The following NXPH1 variants were observed in gnomAD, a reference collection of about 807,000 sequenced individuals.
NXPH1 encodes neurexophilin-1.
A neutral mutation model predicts 23.7 loss-of-function variants in NXPH1; 5 were observed. The ratio of observed to expected loss-of-function variants is 0.21; its 90% CI spans 0.11 to 0.44. The LOEUF (loss-of-function observed/expected upper bound fraction) is 0.44, where lower values mean the gene tolerates loss of function less well. NXPH1 is among the 20% of genes least tolerant of loss of function. The probability of loss-of-function intolerance (pLI) is 0.99; values close to 1 mark genes in which losing one functional copy is unlikely to be tolerated. For missense variants in NXPH1, 324 were observed against 321.6 expected, an observed-to-expected ratio of 1.01 and a Z score of -0.06; for synonymous variants, 144 against 122.2, an observed-to-expected ratio of 1.18 and a Z score of -1.18.
intron 2 of NXPH1, among the ~76,000 whole-genome samples, chr7:8,684,266 A>T (rs1821106366): frequency 6.6e-6 from 1 of 152,112 alleles, no homozygotes; most frequent in African/African-American, 2.4e-5. Flanking sequence ...ATTAGCTGTG[A>T]TCACCACATA....
intron 2 of NXPH1, among the ~76,000 whole-genome samples, chr7:8,480,117 C>G (rs1200945354): frequency 6.6e-6 from 1 of 152,064 alleles, no homozygotes; most frequent in East Asian, 1.9e-4. Flanking sequence ...ATGGGGTACA[C>G]TGATGAGATT....
chr7:8,568,591 C>T (rs1818588772), intron 2 of NXPH1, among the ~76,000 whole-genome samples: 1 of 144,056 alleles, frequency 6.9e-6, no homozygotes, highest in South Asian at 2.2e-4. Context: ...TTTGATCAAG[C>T]AATATGTCAT....
intron 2 of NXPH1, among the ~76,000 whole-genome samples, chr7:8,534,433 TTC>T (rs1399254628): frequency 3.9e-5 from 6 of 152,240 alleles, no homozygotes; most frequent in Middle Eastern, 3.4e-3. Flanking sequence ...TAAAAACATC[TTC>T]CACACCAATA....
At chr7:8,498,217 G>A (rs1279015976) in intron 2 of NXPH1, among the ~76,000 whole-genome samples, 1 of 152,008 alleles carries the variant, frequency 6.6e-6, no homozygotes, top group Non-Finnish European at 1.5e-5. Context: ...TATCCCTGGG[G>A]TTTGCTGATC....
intron 2 of NXPH1, among the ~76,000 whole-genome samples, chr7:8,613,587 G>C (rs527870835): frequency 5.3e-5 from 8 of 151,958 alleles, no homozygotes; most frequent in African/African-American, 1.9e-4. Flanking sequence ...ACTGGTTAAT[G>C]TAGGATATCT....
chr7:8,448,335 G>A (rs536050293), intron 2 of NXPH1, among the ~76,000 whole-genome samples: 1 of 152,324 alleles, frequency 6.6e-6, no homozygotes, highest in South Asian at 2.1e-4. Flanking sequence ...AAGGGTTTCC[G>A]GACCAGGTTC....
chr7:8,683,256 GA>G (rs1179352035), intron 2 of NXPH1, among the ~76,000 whole-genome samples: 2 of 152,200 alleles, frequency 1.3e-5, no homozygotes, highest in African/African-American at 4.8e-5. Context: ...CTATTGTGGG[GA>G]GGGCATCAAG....
chr7:8,577,342 G>A (rs932902465), intron 2 of NXPH1, among the ~76,000 whole-genome samples: 4 of 152,188 alleles, frequency 2.6e-5, no homozygotes, highest in Admixed American at 6.5e-5. Context: ...TGTTGCAGGG[G>A]TATGTGTCTT....
At chr7:8,609,853 A>T (rs1051441723) in intron 2 of NXPH1, among the ~76,000 whole-genome samples, 3 of 152,134 alleles carry the variant, frequency 2.0e-5, no homozygotes, top group African/African-American at 7.2e-5. Context: ...CTTTTATTTT[A>T]AGCCAGGTAG....
At chr7:8,487,062 A>G (rs1817170729) in intron 2 of NXPH1, among the ~76,000 whole-genome samples, 1 of 152,200 alleles carries the variant, frequency 6.6e-6, no homozygotes. Context: ...GAGAGCCTTT[A>G]GAGTACTTAA....
At chr7:8,579,610 G>T (rs1818827266) in intron 2 of NXPH1, among the ~76,000 whole-genome samples, 1 of 152,152 alleles carries the variant, frequency 6.6e-6, no homozygotes, top group Non-Finnish European at 1.5e-5. Context: ...GACCTCAGAT[G>T]ATCCGCCCAC....
intron 2 of NXPH1, among the ~76,000 whole-genome samples, chr7:8,548,697 C>T (rs187935288): frequency 2.4e-4 from 37 of 151,624 alleles, no homozygotes; most frequent in Admixed American, 2.2e-3. Flanking sequence ...CTTAACACAG[C>T]TTTGCTGCTT....
intron 2 of NXPH1, among the ~76,000 whole-genome samples, chr7:8,707,646 G>A (rs1301308709): frequency 6.6e-6 from 1 of 151,934 alleles, no homozygotes. Context: ...AGGTCAGTTT[G>A]AATAATGATA....
At chr7:8,547,605 T>C (rs894627902) in intron 2 of NXPH1, among the ~76,000 whole-genome samples, 2 of 151,396 alleles carry the variant, frequency 1.3e-5, no homozygotes, top group African/African-American at 4.8e-5. Context: ...TAGTGAATAT[T>C]GTATCTGTTG....
intron 2 of NXPH1, among the ~76,000 whole-genome samples, chr7:8,637,296 C>T (rs1820232056): frequency 1.3e-5 from 2 of 151,794 alleles, no homozygotes; most frequent in Middle Eastern, 3.4e-3. Flanking sequence ...AATCATGGCT[C>T]ACTGTAGCCT....
At chr7:8,698,206 T>G (rs1779565495) in intron 2 of NXPH1, among the ~76,000 whole-genome samples, 1 of 152,198 alleles carries the variant, frequency 6.6e-6, no homozygotes, top group Non-Finnish European at 1.5e-5. Flanking sequence ...CAATATTCCA[T>G]GTGTTGTTTG....
chr7:8,531,224 A>AT (rs755077037), intron 2 of NXPH1, among the ~76,000 whole-genome samples: 5 of 152,076 alleles, frequency 3.3e-5, no homozygotes, highest in Non-Finnish European at 5.9e-5. Context: ...ATGAGCTATT[A>AT]TTTTTCCAGC....
intron 2 of NXPH1, among the ~76,000 whole-genome samples, chr7:8,642,848 A>AC (rs1820339343): frequency 1.3e-5 from 2 of 151,550 alleles, no homozygotes; most frequent in African/African-American, 4.8e-5. Flanking sequence ...CTGGGCATAT[A>AC]CTTTTTTTTT....
rs1163632686 is a variant in NXPH1 at position 8,485,367 on chromosome 7, C to T, written c.54+49600C>T. 3.3e-5 allele frequency among the ~76,000 whole-genome samples: 5 copies of T among 152,120 alleles called. No homozygotes were observed. The East Asian group carries it at 7.7e-4, about 23-fold the overall frequency. On this transcript the variant is annotated intron_variant, in intron 2 of 2. Transcript: ENST00000405863. Reference sequence around the variant, plus strand: ...ATAAATTACCCAGTCTTGGGTATGTCTTTATTAGCAGCACGAGAACAGACT... The same window carrying T: ...ATAAATTACCCAGTCTTGGGTATGTTTTTATTAGCAGCACGAGAACAGACT...
Sources: allele counts gnomAD v4.1 joint callset (sites outside exome capture counted in the v4.1 genomes callset), GRCh38; gene constraint gnomAD v4.1.1; transcripts MANE v1.5; gene names NCBI Gene and HGNC (gene_info 2026-07-23, HGNC 2026-07-21).